The following TMTC2 variants were observed in gnomAD, a reference collection of about 807,000 sequenced individuals.
TMTC2 encodes transmembrane O-mannosyltransferase targeting cadherins 2, also known as protein O-mannosyl-transferase TMTC2.
A neutral mutation model predicts 82.4 loss-of-function variants in TMTC2; 43 were observed. The observed-to-expected ratio is 0.52, with a 90% CI of 0.41 to 0.67. The LOEUF (loss-of-function observed/expected upper bound fraction) is 0.67, where lower values mean the gene tolerates loss of function less well. Among genes scored for constraint, TMTC2 ranks in the 30% least tolerant of loss-of-function variants. The pLI is 0.00. For synonymous variants in TMTC2, 408 were observed against 381.9 expected, an observed-to-expected ratio of 1.07 and a Z score of -0.80; for missense variants, 919 against 1,012.4, an observed-to-expected ratio of 0.91 and a Z score of 1.25.
chr12:82,897,424 A>T (rs1056356707), intron 3 of TMTC2, among the ~76,000 whole-genome samples: 1 of 152,248 alleles, frequency 6.6e-6, no homozygotes, highest in African/African-American at 2.4e-5. Context: ...AGGCAATTAA[A>T]TGTATTGGAA....
chr12:82,915,348 T>A (rs1874941837), intron 3 of TMTC2, among the ~76,000 whole-genome samples: 1 of 152,218 alleles, frequency 6.6e-6, no homozygotes, highest in Non-Finnish European at 1.5e-5. Flanking sequence ...CCACATTACA[T>A]ATTTACTAAA....
intron 4 of TMTC2, among the ~76,000 whole-genome samples, chr12:82,931,644 T>C: frequency 6.6e-6 from 1 of 152,208 alleles, no homozygotes; most frequent in Non-Finnish European, 1.5e-5. Context: ...TTAGATCTAG[T>C]GCCTGATTGT....
At chr12:82,815,349 C>G (rs937115576) in intron 1 of TMTC2, among the ~76,000 whole-genome samples, 2 of 151,016 alleles carry the variant, frequency 1.3e-5, no homozygotes, top group Non-Finnish European at 2.9e-5. Context: ...CTTGCTCTGT[C>G]CCCCAGGCTG....
rs1018028474 is a variant in TMTC2 at position 82,764,042 on chromosome 12, A to G, written c.83+76373A>G. On this transcript the variant is annotated intron_variant, in intron 1 of 11. Transcript: ENST00000321196. ...TGTTGGTTTTATTCTCTGGTGCAAT[A>G]TTCATTTAGTTTTAGGAAAATTATT... Among the ~76,000 whole-genome samples, 23 of 152,202 alleles carry G rather than the reference A, an allele frequency of 1.5e-4. 1 individual carries two copies. Among genetic ancestry groups the G allele is most frequent in the Non-Finnish European group, 2.9e-5 (2 of 68,044 alleles).
chr12:82,737,593 A>G (rs1376320912), intron 1 of TMTC2, among the ~76,000 whole-genome samples: 1 of 152,224 alleles, frequency 6.6e-6, no homozygotes, highest in African/African-American at 2.4e-5. Context: ...AAGCAACATA[A>G]TAGGCTTGCA....
chr12:83,068,587 T>C (rs1883001264), intron 11 of TMTC2, among the ~76,000 whole-genome samples: 1 of 152,198 alleles, frequency 6.6e-6, no homozygotes, highest in South Asian at 2.1e-4. Flanking sequence ...GCATTGATTT[T>C]ATGTGGATCC....
chr12:82,959,352 G>A lies in TMTC2; in HGVS notation c.1599-5672G>A, dbSNP rs1044488517. ...TTCTAATATATGGAACCAGAAAAGAGCCTGAATAGCCAAAGTAATTCTAAG... is the reference window on the plus strand; with the variant it reads ...TTCTAATATATGGAACCAGAAAAGAACCTGAATAGCCAAAGTAATTCTAAG... On this transcript the variant is annotated intron_variant, in intron 4 of 11. Transcript: ENST00000321196. Among the ~76,000 whole-genome samples the A allele has an allele frequency of 2.6e-5, 4 of 152,072 alleles. 1 individual carries two copies. The highest frequency in any genetic ancestry group is 5.9e-5 in the Non-Finnish European group (4 of 67,994).
intron 7 of TMTC2, among the ~76,000 whole-genome samples, chr12:82,980,043 T>A (rs1878850380): frequency 1.3e-5 from 2 of 151,834 alleles, no homozygotes; most frequent in Admixed American, 1.3e-4. Context: ...TGACATGTCT[T>A]GAGGTAGTCT....
intron 1 of TMTC2, among the ~76,000 whole-genome samples, chr12:82,750,138 T>A (rs1875905926): frequency 6.6e-6 from 1 of 152,198 alleles, no homozygotes; most frequent in African/African-American, 2.4e-5. Flanking sequence ...GATGGCTCAC[T>A]ACATACTTAT....
rs1043892013 is a variant in TMTC2 at position 82,955,187 on chromosome 12, A to G, written c.1599-9837A>G. Among the ~76,000 whole-genome samples, 34 of 152,188 alleles carry G rather than the reference A, an allele frequency of 2.2e-4. 1 individual carries two copies. Among genetic ancestry groups the G allele is most frequent in the Admixed American group, 2.0e-3 (31 of 15,268 alleles). On this transcript the variant is annotated intron_variant, in intron 4 of 11. Transcript: ENST00000321196. ...ATGTTTAAAAGCATTCCTGGACTCT[A>G]CCCACTAAATGCCAGTTACATTCCC...
At chr12:83,024,234 A>G (rs1881064889) in intron 8 of TMTC2, among the ~76,000 whole-genome samples, 1 of 152,238 alleles carries the variant, frequency 6.6e-6, no homozygotes, top group Non-Finnish European at 1.5e-5. Context: ...ATAAATATGT[A>G]CAAATATTTG....
intron 1 of TMTC2, 100 bp from the exon 2 acceptor site, chr12:82,856,909 TA>T (rs1356535822): frequency 8.6e-7 from 1 of 1,166,374 alleles, no homozygotes; most frequent in Non-Finnish European, 1.2e-6. Flanking sequence ...CAAAGCTACA[TA>T]GTAACAAAGC....
intron 2 of TMTC2, among the ~76,000 whole-genome samples, chr12:82,874,421 A>G (rs557204434): frequency 6.6e-6 from 1 of 152,228 alleles, no homozygotes; most frequent in East Asian, 1.9e-4. Context: ...ATTTTTGGGT[A>G]AAATCATAAT....
chr12:83,003,202 T>C (rs2137371385), intron 8 of TMTC2, among the ~76,000 whole-genome samples: 1 of 152,260 alleles, frequency 6.6e-6, no homozygotes, highest in Middle Eastern at 3.4e-3. Flanking sequence ...CTGTTGTTGG[T>C]TTAACGTCTG....
At chr12:83,028,178 G>A (rs190433778) in intron 8 of TMTC2, among the ~76,000 whole-genome samples, 7 of 152,014 alleles carry the variant, frequency 4.6e-5, no homozygotes, top group Non-Finnish European at 8.8e-5. Flanking sequence ...GCACACTGTC[G>A]AATATATATA....
At chr12:83,110,129 A>G (rs1018154797) in intron 11 of TMTC2, among the ~76,000 whole-genome samples, 1 of 152,190 alleles carries the variant, frequency 6.6e-6, no homozygotes, top group Non-Finnish European at 1.5e-5. Context: ...ACTTGCTTCC[A>G]TCGTCACGTC....
chr12:82,973,164 G>A (rs1878521750), intron 7 of TMTC2, among the ~76,000 whole-genome samples: 1 of 152,118 alleles, frequency 6.6e-6, no homozygotes, highest in African/African-American at 2.4e-5. Flanking sequence ...CCTATTTTGA[G>A]TTCTGGCGAT....
chr12:82,888,289 A>G (rs538610707), intron 2 of TMTC2, among the ~76,000 whole-genome samples: 48 of 152,346 alleles, frequency 3.2e-4, no homozygotes, highest in African/African-American at 1.0e-3. Flanking sequence ...GTAGTTAGGA[A>G]AATGTTCCTC....
chr12:82,754,269 A>G (rs1876176295), intron 1 of TMTC2, among the ~76,000 whole-genome samples: 1 of 152,208 alleles, frequency 6.6e-6, no homozygotes, highest in African/African-American at 2.4e-5. Context: ...CTGAGTTAAG[A>G]AAACTGTTAT....
Sources: allele counts gnomAD v4.1 joint callset (sites outside exome capture counted in the v4.1 genomes callset), GRCh38; gene constraint gnomAD v4.1.1; transcripts MANE v1.5; gene names NCBI Gene and HGNC (gene_info 2026-07-23, HGNC 2026-07-21).